The following NSUN2 variants were observed in gnomAD, a reference collection of about 807,000 sequenced individuals.
The protein encoded by NSUN2 is RNA cytosine C(5)-methyltransferase NSUN2.
Under a neutral mutation model 92.7 loss-of-function variants are expected in NSUN2, and 63 were observed. The ratio of observed to expected loss-of-function variants is 0.68; its 90% CI spans 0.56 to 0.84. The LOEUF is 0.84. Ranked by LOEUF, NSUN2 falls within the 40% of genes least tolerant of loss-of-function variation. NSUN2 has a pLI of 0.00. For missense variants in NSUN2, 989 were observed against 964.9 expected, an observed-to-expected ratio of 1.02 and a Z score of -0.33; for synonymous variants, 356 against 348.3, an observed-to-expected ratio of 1.02 and a Z score of -0.25.
intron 4 of NSUN2, among the ~76,000 whole-genome samples, chr5:6,624,418 T>A (rs984013304): frequency 7.2e-5 from 11 of 152,166 alleles, no homozygotes; most frequent in African/African-American, 2.4e-4. Flanking sequence ...ACTAGTTCCC[T>A]ACAACATTTG....
intron 3 of NSUN2, among the ~76,000 whole-genome samples, chr5:6,630,026 C>T (rs780254401): frequency 6.6e-6 from 1 of 152,156 alleles, no homozygotes; most frequent in Non-Finnish European, 1.5e-5. Context: ...AGTATCAGAC[C>T]TCTACTTCAA....
intron 10 of NSUN2, among the ~76,000 whole-genome samples, chr5:6,611,488 G>C (rs1217488508): frequency 7.9e-6 from 1 of 127,192 alleles, no homozygotes; most frequent in Non-Finnish European, 1.6e-5. Context: ...TTACAGGGAT[G>C]AGAGTAAAAG....
At chr5:6,629,526 G>C (rs541119869) in intron 3 of NSUN2, among the ~76,000 whole-genome samples, 2 of 152,142 alleles carry the variant, frequency 1.3e-5, no homozygotes, top group Non-Finnish European at 2.9e-5. Context: ...TTCTTATCCC[G>C]TCTCTGCGCT....
intron 8 of NSUN2, among the ~76,000 whole-genome samples, chr5:6,617,278 C>T (rs1737249674): frequency 2.6e-5 from 4 of 152,088 alleles, no homozygotes; most frequent in Admixed American, 2.6e-4. Flanking sequence ...GGAGACGAGG[C>T]CTCCTGCTAT....
chr5:6,614,498 C>T (rs910470982), intron 9 of NSUN2, among the ~76,000 whole-genome samples: 1 of 152,164 alleles, frequency 6.6e-6, no homozygotes, highest in Non-Finnish European at 1.5e-5. Flanking sequence ...AGGTTCTGTC[C>T]ACTCTTCCCT....
chr5:6,610,808 A>G (rs1736955567), intron 11 of NSUN2, 147 bp downstream of exon 11: 1 of 860,016 alleles, frequency 1.2e-6, no homozygotes, highest in Admixed American at 2.9e-5. Flanking sequence ...TGGGAAGTTC[A>G]CACACATGGG....
At chr5:6,605,513 A>C in intron 14 of NSUN2, 105 bp from the exon 15 acceptor site, 1 of 1,266,328 alleles carries the variant, frequency 7.9e-7, no homozygotes, top group Non-Finnish European at 1.1e-6. Context: ...CCAAAACTGC[A>C]GTGTGGTTCA....
chr5:6,631,758 T>A (rs1362011477), intron 3 of NSUN2, 115 bp downstream of exon 3: 1 of 752,876 alleles, frequency 1.3e-6, no homozygotes, highest in Non-Finnish European at 2.2e-6. Context: ...CATTAGGATG[T>A]TTGCAAAGTA....
chr5:6,602,806 T>C (rs145404370), intron 17 of NSUN2, among the ~76,000 whole-genome samples: 388 of 152,350 alleles, frequency 2.5e-3, no homozygotes, highest in African/African-American at 8.7e-3. Flanking sequence ...TGCTGGTTAA[T>C]TCTTCAAAAT....
chr5:6,606,769 A>T, intron 14 of NSUN2, 51 bp downstream of exon 14: 1 of 991,708 alleles, frequency 1.0e-6, no homozygotes, highest in Non-Finnish European at 1.6e-6. Context: ...TACATTTGAT[A>T]CTCTATAGTA....
chr5:6,621,129 C>T (rs962845115), intron 6 of NSUN2: 5 of 152,168 alleles, frequency 3.3e-5, no homozygotes, highest in Non-Finnish European at 7.3e-5. Context: ...TCTAAAACAT[C>T]ACGATGGGTA....
chr5:6,601,959 G>A (rs543610916), intron 18 of NSUN2, among the ~76,000 whole-genome samples: 1 of 152,214 alleles, frequency 6.6e-6, no homozygotes, highest in African/African-American at 2.4e-5. Context: ...GCTCCCCCAA[G>A]GCCCCCCACA....
chr5:6,609,292 A>G (rs1736897643), intron 12 of NSUN2, among the ~76,000 whole-genome samples: 1 of 152,048 alleles, frequency 6.6e-6, no homozygotes, highest in Non-Finnish European at 1.5e-5. Flanking sequence ...TGAGGGCAAC[A>G]CTCCTTCACC....
chr5:6,603,377 G>C (rs1046595196), intron 17 of NSUN2, among the ~76,000 whole-genome samples: 2 of 152,164 alleles, frequency 1.3e-5, no homozygotes, highest in Non-Finnish European at 2.9e-5. Flanking sequence ...AGCCAGTCTC[G>C]TGAGGCTGTG....
intron 7 of NSUN2, among the ~76,000 whole-genome samples, chr5:6,619,421 T>G (rs528124703): frequency 6.6e-6 from 1 of 152,236 alleles, no homozygotes; most frequent in Non-Finnish European, 1.5e-5. Flanking sequence ...GACAAACTTA[T>G]GTCATTCAGA....
chr5:6,602,816 T>C (rs902805150), intron 17 of NSUN2, among the ~76,000 whole-genome samples: 10 of 152,286 alleles, frequency 6.6e-5, no homozygotes, highest in African/African-American at 2.4e-4. Flanking sequence ...TTCTTCAAAA[T>C]TCAAAATTAA....
rs1380574161 is a variant in NSUN2 at position 6,621,214 on chromosome 5, A to G, written c.622+802T>C. The stretch of plus-strand genomic sequence containing the variant: ...ATTTCCTGAGCACCTCGCAAGCTAC[A>G]TACTGATTCGTCCCATTTCACATGG... On this transcript the variant is annotated intron_variant, in intron 6 of 18. Transcript: ENST00000264670. 2.6e-5 allele frequency: 4 copies of G among 152,180 alleles called. No homozygotes were observed. In the South Asian group the frequency reaches 6.2e-4, roughly 24 times the overall value. The allele number at this position is 152,180 out of a possible 1,614,324, so 9.4% of individuals were successfully genotyped here. A position where few individuals can be genotyped will look rare whatever the true frequency, so the allele number is the denominator to read the frequency against.
intron 9 of NSUN2, among the ~76,000 whole-genome samples, chr5:6,613,155 G>A (rs912778157): frequency 6.6e-6 from 1 of 152,216 alleles, no homozygotes; most frequent in Admixed American, 6.6e-5. Context: ...AATGACTACA[G>A]AATAGGAGAC....
chr5:6,607,239 TC>T lies in NSUN2; in HGVS notation c.1468del (p.Asp490IlefsTer2). On this transcript the variant is annotated frameshift_variant, in exon 13 of 19. Transcript: ENST00000264670. LOFTEE classifies it high-confidence loss of function. ...GDTEIAHATEDLENNGSKKDG... is the reference protein window; with the variant it reads ...GDTEIAHATEXLENNGSKKDG... ...TTTCTTACTGCCATTATTCTCTAAA[TC>T]CTCAGTTGCATGAGCTATTTCTGTG... The T allele has an allele frequency of 6.2e-7, 1 of 1,614,222 alleles. No individual in the cohort carries two copies. Among genetic ancestry groups the T allele is most frequent in the South Asian group, 1.1e-5 (1 of 91,086 alleles).
Sources: allele counts gnomAD v4.1 joint callset (sites outside exome capture counted in the v4.1 genomes callset), GRCh38; gene constraint gnomAD v4.1.1; transcripts MANE v1.5; gene names NCBI Gene and HGNC (gene_info 2026-07-23, HGNC 2026-07-21).